The following CDC14A variants were observed in gnomAD, a reference collection of about 807,000 sequenced individuals.
CDC14A encodes the protein cell division cycle 14A.
A neutral mutation model predicts 74.4 loss-of-function variants in CDC14A; 53 were observed. That is an observed-to-expected ratio of 0.71 (90% CI 0.57 to 0.89). The LOEUF is 0.89. Among genes scored for constraint, CDC14A ranks in the 40% least tolerant of loss-of-function variants. The probability of loss-of-function intolerance (pLI) is 0.00; values close to 1 mark genes in which losing one functional copy is unlikely to be tolerated. For missense variants in CDC14A, 646 were observed against 713.7 expected, an observed-to-expected ratio of 0.91 and a Z score of 1.08; for synonymous variants, 247 against 258.4, an observed-to-expected ratio of 0.96 and a Z score of 0.43.
chr1:100,512,064 C>T (rs947416671), intron 15 of CDC14A, among the ~76,000 whole-genome samples: 2 of 152,058 alleles, frequency 1.3e-5, no homozygotes, highest in East Asian at 3.9e-4. Context: ...GTCCACTCTG[C>T]TTTCCCTTGT....
intron 8 of CDC14A, 123 bp downstream of exon 8, chr1:100,455,615 A>T (rs1666609356): frequency 4.5e-6 from 3 of 663,012 alleles, no homozygotes; most frequent in Admixed American, 3.3e-5. Context: ...TTCATAATTT[A>T]AAAAATTGAA....
chr1:100,462,572 C>A lies in CDC14A; in HGVS notation c.608-79C>A, dbSNP rs375647203. On this transcript the variant is annotated intron_variant, in intron 8 of 15. Transcript: ENST00000336454. ...AAGCTTTGTTGAGATTTATACACTT[C>A]ATTGTTGAGAGTTTTGTATTTCTGG... 306 of 1,107,504 alleles carry A rather than the reference C, an allele frequency of 2.8e-4. 1 individual carries two copies. In the African/African-American group the frequency reaches 4.4e-3, roughly 16 times the overall value. 68.6% of individuals were successfully genotyped at this position (1,107,504 alleles called of 1,614,324 possible). A position where few individuals can be genotyped will look rare whatever the true frequency, so the allele number is the denominator to read the frequency against.
intron 11 of CDC14A, among the ~76,000 whole-genome samples, chr1:100,491,572 A>ATTTTTTTTTTTT (rs59429516): frequency 4.0e-5 from 1 of 25,100 alleles, no homozygotes; most frequent in East Asian, 1.1e-3. Context: ...ATATATATAT[A>ATTTTTTTTTTTT]TTTTTTTTTT....
chr1:100,375,134 C>T (rs1251934898), intron 2 of CDC14A, among the ~76,000 whole-genome samples: 1 of 152,104 alleles, frequency 6.6e-6, no homozygotes, highest in Non-Finnish European at 1.5e-5. Context: ...GGGATTTGCA[C>T]TGGACTTTGA....
chr1:100,515,269 C>T (rs1450810043), intron 15 of CDC14A, among the ~76,000 whole-genome samples: 2 of 152,182 alleles, frequency 1.3e-5, no homozygotes, highest in Non-Finnish European at 2.9e-5. Flanking sequence ...TTCCTGTCAT[C>T]CAACACTGTT....
intron 4 of CDC14A, among the ~76,000 whole-genome samples, chr1:100,422,378 T>A (rs767994123): frequency 2.6e-5 from 4 of 152,214 alleles, no homozygotes; most frequent in Non-Finnish European, 4.4e-5. Context: ...AATTATCTAA[T>A]CCACACACAG....
At chr1:100,368,017 C>T (rs949950413) in intron 2 of CDC14A, among the ~76,000 whole-genome samples, 3 of 152,174 alleles carry the variant, frequency 2.0e-5, no homozygotes, top group Non-Finnish European at 4.4e-5. Context: ...ATATGACCCT[C>T]TTGAACAAAA....
chr1:100,395,686 T>C (rs1658370847), intron 4 of CDC14A, among the ~76,000 whole-genome samples: 1 of 152,228 alleles, frequency 6.6e-6, no homozygotes. Flanking sequence ...GATCACGTCA[T>C]TACCCTGTTT....
At chr1:100,413,919 T>A (rs1408097949) in intron 4 of CDC14A, among the ~76,000 whole-genome samples, 2 of 152,226 alleles carry the variant, frequency 1.3e-5, no homozygotes, top group South Asian at 4.1e-4. Context: ...ATAGATGTAT[T>A]CCTTGATTTC....
intron 1 of CDC14A, among the ~76,000 whole-genome samples, chr1:100,345,829 A>T (rs528053167): frequency 2.0e-4 from 30 of 152,370 alleles, no homozygotes; most frequent in African/African-American, 7.0e-4. Context: ...TGCTAGAAAT[A>T]TGTAGAGTAG....
At position 100,401,994 on chromosome 1, in the gene CDC14A, C is replaced by T. The variant is rs939701816; in HGVS notation, c.309+11170C>T. ...CGGAGGTTGTGGTGAGCCGAGATCGCGCCATTGCACTCCAGCCTGGGCAAC... is the reference window on the plus strand; with the variant it reads ...CGGAGGTTGTGGTGAGCCGAGATCGTGCCATTGCACTCCAGCCTGGGCAAC... On this transcript the variant is annotated intron_variant, in intron 4 of 15. Transcript: ENST00000336454. 1.4e-3 allele frequency among the ~76,000 whole-genome samples: 218 copies of T among 151,388 alleles called. 2 individuals carry two copies. The highest frequency in any genetic ancestry group is 1.4e-3 in the Admixed American group (22 of 15,220).
chr1:100,506,055 A>C (rs1350522955), intron 15 of CDC14A, among the ~76,000 whole-genome samples: 2 of 152,152 alleles, frequency 1.3e-5, no homozygotes, highest in Non-Finnish European at 2.9e-5. Context: ...CCATTCATGA[A>C]GGATCCACCG....
At position 100,346,770 on chromosome 1, in the gene CDC14A, T is replaced by C. The variant is rs181174397; in HGVS notation, c.-126+1587T>C. 5.3e-5 allele frequency among the ~76,000 whole-genome samples: 8 copies of C among 152,340 alleles called. No homozygotes were observed. The East Asian group carries it at 5.8e-4, about 11-fold the overall frequency. ...AATAAATTGACTACTCTGAAGTATA[T>C]TGACCTCATGGAACTTTCTTTTACC... is the stretch of plus-strand genomic sequence containing the variant. On this transcript the variant is annotated intron_variant, in intron 1 of 14. Transcript: ENST00000635056.
chr1:100,361,338 G>T (rs535097290), intron 2 of CDC14A, among the ~76,000 whole-genome samples: 6 of 152,200 alleles, frequency 3.9e-5, no homozygotes, highest in Admixed American at 1.3e-4. Flanking sequence ...AACACATGCA[G>T]TACAGGATAA....
In CDC14A at chr1:100,352,597, A is replaced by C; in HGVS notation, c.-358A>C. 1 of 1,124,478 alleles carries C rather than the reference A, an allele frequency of 8.9e-7. No individual in the cohort carries two copies. The highest frequency in any genetic ancestry group is 1.1e-6 in the Non-Finnish European group (1 of 917,172). 69.7% of individuals were successfully genotyped at this position (1,124,478 alleles called of 1,614,324 possible). ...ATCGGGACCAGAAGTCTCCTCCTCC[A>C]TGATCACTTTGGAAGCCGGGGGAAG... On this transcript the variant is annotated 5_prime_UTR_variant, in exon 1 of 16. An upstream start codon of the reference 5' UTR is lost. Transcript: ENST00000336454.
chr1:100,347,564 G>A (rs944558411), upstream of CDC14A, among the ~76,000 whole-genome samples: 10 of 152,178 alleles, frequency 6.6e-5, no homozygotes, highest in African/African-American at 2.2e-4. Context: ...GAACAGAACC[G>A]TTTATGAGTC....
At position 100,498,155 on chromosome 1, in the gene CDC14A, A is replaced by G. The variant is rs1420598632; in HGVS notation, c.1369A>G (p.Thr457Ala). The G allele has an allele frequency of 2.5e-6, 4 of 1,613,966 alleles. No individual in the cohort carries two copies. Among genetic ancestry groups the G allele is most frequent in the African/African-American group, 1.3e-5 (1 of 74,928 alleles). Residue 457 changes from threonine to alanine, a missense_variant, in exon 14 of 16, where the codon ACG (threonine) becomes GCG (alanine). Thr to Ala is a moderately conservative substitution (Grantham distance 58). Coordinates refer to ENST00000336454, the MANE Select transcript of CDC14A (RefSeq NM_003672.4). ...AAAAATGGCACTGTCCCCTTCAGCAACGGCCAAGAGGATCAACAGAACTTC... is the reference window on the plus strand; with the variant it reads ...AAAAATGGCACTGTCCCCTTCAGCAGCGGCCAAGAGGATCAACAGAACTTC... ...TSKMALSPSA[T>A]AKRINRTSLS...
In CDC14A at chr1:100,485,328, G is replaced by A. The variant is rs376288458; in HGVS notation, c.1137+877G>A. Reference sequence around the variant, plus strand: ...GTCTTTCTACCACGTTATACCTGAGGTGAAGCTAAGTATCTGGTTTATACT... The same window carrying A: ...GTCTTTCTACCACGTTATACCTGAGATGAAGCTAAGTATCTGGTTTATACT... On this transcript the variant is annotated intron_variant, in intron 11 of 15. Transcript: ENST00000336454. 4.1e-4 allele frequency: 402 copies of A among 982,098 alleles called. 2 individuals are homozygous for A. In the African/African-American group the frequency reaches 6.4e-3, roughly 16 times the overall value. 60.8% of individuals were successfully genotyped at this position (982,098 alleles called of 1,614,324 possible). A position where few individuals can be genotyped will look rare whatever the true frequency, so the allele number is the denominator to read the frequency against.
chr1:100,485,222 A>G (rs1400071061), intron 11 of CDC14A: 1 of 985,280 alleles, frequency 1.0e-6, no homozygotes, highest in African/African-American at 1.7e-5. Flanking sequence ...GGGTCCCAGA[A>G]AATTTGTGAT....
Sources: allele counts gnomAD v4.1 joint callset (sites outside exome capture counted in the v4.1 genomes callset), GRCh38; gene constraint gnomAD v4.1.1; transcripts MANE v1.5; gene names NCBI Gene and HGNC (gene_info 2026-07-23, HGNC 2026-07-21).